SULT1B1: variants seen among roughly 807,000 people sequenced by gnomAD.
SULT1B1 encodes the protein sulfotransferase 1B1.
In SULT1B1, 28 loss-of-function variants were observed where a neutral mutation model predicts 34.6. The ratio of observed to expected loss-of-function variants is 0.81; its 90% CI spans 0.60 to 1.11. SULT1B1 has a LOEUF of 1.11. SULT1B1 is among the 50% of genes least tolerant of loss of function. SULT1B1 has a pLI of 0.00. For missense variants in SULT1B1, 374 were observed against 352.2 expected (o/e 1.06, Z -0.50); for synonymous variants, 147 against 110.2 (o/e 1.33, Z -2.09).
intron 3 of SULT1B1, among the ~76,000 whole-genome samples, chr4:69,750,036 C>G (rs1286056145): frequency 6.6e-6 from 1 of 152,162 alleles, no homozygotes; most frequent in African/African-American, 2.4e-5. Flanking sequence ...CAAATGCTAA[C>G]TCTATCACTT....
intron 6 of SULT1B1, among the ~76,000 whole-genome samples, chr4:69,733,199 C>T (rs565733352): frequency 1.2e-4 from 19 of 152,114 alleles, no homozygotes; most frequent in South Asian, 8.3e-4. Context: ...TCAGATATAA[C>T]GCAGTGGCTA....
At chr4:69,727,287 C>T in intron 7 of SULT1B1, 87 bp from the exon 8 acceptor site, 1 of 894,132 alleles carries the variant, frequency 1.1e-6, no homozygotes, top group Non-Finnish European at 1.6e-6. Flanking sequence ...ATTAGAAGGC[C>T]TAAAGAAAGA....
intron 4 of SULT1B1, among the ~76,000 whole-genome samples, chr4:69,748,034 T>C (rs897331205): frequency 1.2e-4 from 19 of 152,030 alleles, no homozygotes; most frequent in African/African-American, 4.1e-4. Flanking sequence ...CTTGGCTCTA[T>C]CCCATAACTA....
intron 4 of SULT1B1, 64 bp from the exon 5 acceptor site, chr4:69,734,328 T>C (rs1300053857): frequency 6.4e-7 from 1 of 1,551,976 alleles, no homozygotes. Flanking sequence ...TAGGAAAAAA[T>C]TAACCTATAC....
chr4:69,727,243 CA>C, intron 7 of SULT1B1, 43 bp from the exon 8 acceptor site: 1 of 1,523,210 alleles, frequency 6.6e-7, no homozygotes, highest in Non-Finnish European at 8.9e-7. Flanking sequence ...AAAATATTTC[CA>C]TAAGAAGAAA....
chr4:69,733,813 A>G (rs1256057318), intron 5 of SULT1B1, among the ~76,000 whole-genome samples: 2 of 152,190 alleles, frequency 1.3e-5, no homozygotes, highest in Non-Finnish European at 2.9e-5. Context: ...CCTAAGTACT[A>G]TAAATATGAC....
chr4:69,736,826 A>G (rs1369850754), intron 4 of SULT1B1, among the ~76,000 whole-genome samples: 1 of 152,068 alleles, frequency 6.6e-6, no homozygotes, highest in Admixed American at 6.6e-5. Flanking sequence ...AAAATAGAAT[A>G]AAGACAATAA....
intron 3 of SULT1B1, among the ~76,000 whole-genome samples, chr4:69,751,646 G>T (rs978655926): frequency 6.6e-6 from 1 of 152,074 alleles, no homozygotes; most frequent in African/African-American, 2.4e-5. Context: ...TAGAGACGGG[G>T]TTTCACCGTG....
chr4:69,731,754 T>C (rs1718088996), intron 6 of SULT1B1, among the ~76,000 whole-genome samples: 1 of 152,196 alleles, frequency 6.6e-6, no homozygotes, highest in Non-Finnish European at 1.5e-5. Context: ...AAATTGTAAA[T>C]ATATGGATAT....
chr4:69,727,232 T>A, intron 7 of SULT1B1, 32 bp from the exon 8 acceptor site: 1 of 1,554,352 alleles, frequency 6.4e-7, no homozygotes, highest in Non-Finnish European at 8.7e-7. Context: ...TAGGAAAGAA[T>A]AAAATATTTC....
intron 4 of SULT1B1, among the ~76,000 whole-genome samples, chr4:69,745,799 A>C (rs1298672912): frequency 2.0e-5 from 3 of 152,148 alleles, no homozygotes; most frequent in African/African-American, 7.2e-5. Context: ...ATTGATTTAT[A>C]GTGTTAATGT....
At chr4:69,756,442 G>A (rs905745647) in intron 1 of SULT1B1, among the ~76,000 whole-genome samples, 5 of 152,174 alleles carry the variant, frequency 3.3e-5, no homozygotes, top group Admixed American at 1.3e-4. Context: ...TTTAGGACTA[G>A]ATTAATATTT....
intron 4 of SULT1B1, among the ~76,000 whole-genome samples, chr4:69,747,100 G>C (rs1350836098): frequency 6.6e-6 from 1 of 152,134 alleles, no homozygotes. Context: ...CCAATCTACT[G>C]GCAACAACAT....
chr4:69,722,700 T>C lies in SULT1B1; in HGVS notation c.*4388A>G, dbSNP rs1046452773. On this transcript the variant is annotated 3_prime_UTR_variant, in exon 8 of 8. Coordinates refer to ENST00000310613, the MANE Select transcript of SULT1B1 (RefSeq NM_014465.4). ...CCACTAGACCAATCCTTTGCTGGGG[T>C]TGGAAAAGAGAAATGTTACAGCTTA... The C allele has an allele frequency of 1.3e-5, 2 of 152,058 alleles. No homozygotes were observed. The highest frequency in any genetic ancestry group is 2.9e-5 in the Non-Finnish European group (2 of 67,998). The allele number at this position is 152,058 out of a possible 1,614,324, so 9.4% of individuals were successfully genotyped here. A position where few individuals can be genotyped will look rare whatever the true frequency, so the allele number is the denominator to read the frequency against.
chr4:69,727,280 A>G, intron 7 of SULT1B1, 80 bp from the exon 8 acceptor site: 2 of 1,031,842 alleles, frequency 1.9e-6, no homozygotes, highest in Non-Finnish European at 2.7e-6. Context: ...GGAAAAGATT[A>G]GAAGGCCTAA....
intron 7 of SULT1B1, 112 bp from the exon 8 acceptor site, chr4:69,727,312 G>C (rs1717878031): frequency 3.1e-6 from 2 of 653,154 alleles, no homozygotes; most frequent in Non-Finnish European, 4.7e-6. Context: ...CCTTTTATTT[G>C]AATGAATTCA....
intron 4 of SULT1B1, among the ~76,000 whole-genome samples, chr4:69,741,004 G>T (rs1389403271): frequency 1.3e-5 from 2 of 152,016 alleles, no homozygotes. Context: ...TTTCTTCTGG[G>T]TTTTTATAGT....
chr4:69,741,960 A>G (rs995754906), intron 4 of SULT1B1, among the ~76,000 whole-genome samples: 6 of 152,114 alleles, frequency 3.9e-5, no homozygotes, highest in African/African-American at 1.4e-4. Flanking sequence ...GTTTTGTTCC[A>G]GTTCTCATGG....
intron 1 of SULT1B1, chr4:69,758,233 A>G: frequency 1.1e-6 from 1 of 870,272 alleles, no homozygotes; most frequent in South Asian, 5.2e-5. Context: ...TAAGCAGTGT[A>G]CTTGGGATGA....
Sources: allele counts gnomAD v4.1 joint callset (sites outside exome capture counted in the v4.1 genomes callset), GRCh38; gene constraint gnomAD v4.1.1; transcripts MANE v1.5; gene names NCBI Gene and HGNC (gene_info 2026-07-23, HGNC 2026-07-21).